CTNNA3: variants seen among roughly 807,000 people sequenced by gnomAD.
CTNNA3 encodes catenin alpha 3, also known as catenin alpha-3.
CTNNA3 carries 76 observed loss-of-function variants against 95.7 expected under a neutral mutation model. That is an observed-to-expected ratio of 0.79 (90% confidence interval 0.66 to 0.96). The LOEUF is 0.96. Among genes scored for constraint, CTNNA3 ranks in the 40% least tolerant of loss-of-function variants. CTNNA3 has a pLI of 0.00. For synonymous variants in CTNNA3, 431 were observed against 374.4 expected (o/e 1.15, Z -1.74); for missense variants, 1,191 against 1,089.8 (o/e 1.09, Z -1.31).
chr10:67,680,165 C>G (rs73271922), intron 1 of CTNNA3, among the ~76,000 whole-genome samples: 9,134 of 152,148 alleles, frequency 0.06, 290 homozygotes, highest in Admixed American at 0.1. Flanking sequence ...TAGGCTGGAG[C>G]TGTCTTGGAA....
intron 10 of CTNNA3, among the ~76,000 whole-genome samples, chr10:66,562,633 G>A (rs1300218862): frequency 6.6e-6 from 1 of 151,994 alleles, no homozygotes; most frequent in Non-Finnish European, 1.5e-5. Context: ...CTTGCCCAGT[G>A]GTCTGAGCAT....
intron 11 of CTNNA3, among the ~76,000 whole-genome samples, chr10:66,450,672 T>C (rs2093457688): frequency 6.6e-6 from 1 of 152,066 alleles, no homozygotes; most frequent in Non-Finnish European, 1.5e-5. Flanking sequence ...AAGGAAGAAC[T>C]AGCAATAGAA....
intron 16 of CTNNA3, among the ~76,000 whole-genome samples, chr10:65,967,597 A>C (rs1670138): frequency 0.33 from 50,302 of 152,026 alleles, 8,510 homozygotes; most frequent in Admixed American, 0.42. Context: ...AGCTGTGAAT[A>C]CAACTGAAGC....
At chr10:66,623,286 T>C (rs1240605829) in intron 9 of CTNNA3, among the ~76,000 whole-genome samples, 2 of 152,126 alleles carry the variant, frequency 1.3e-5, no homozygotes, top group African/African-American at 4.8e-5. Flanking sequence ...ATAAAAATCA[T>C]TGGCTCAATG....
At chr10:66,502,395 G>A (rs1488677381) in intron 11 of CTNNA3, among the ~76,000 whole-genome samples, 1 of 152,188 alleles carries the variant, frequency 6.6e-6, no homozygotes, top group Admixed American at 6.5e-5. Context: ...AAGAAAAGTA[G>A]AGATCATAAA....
Position 66,797,222 on chromosome 10 carries a change from T to C in CTNNA3, c.1048-21698A>G, listed in dbSNP as rs115216675. Among the ~76,000 whole-genome samples, 1,337 of 152,038 alleles carry C rather than the reference T, an allele frequency of 8.8e-3. 27 individuals are homozygous for C. The highest frequency in any genetic ancestry group is 0.031 in the African/African-American group (1,268 of 41,518). On this transcript the variant is annotated intron_variant, in intron 7 of 17. Transcript: ENST00000433211. ...CTAAAGGTCTACTACAGAGAGTACA[T>C]ATTTCTTAAATCTGGAAAATAATTT...
chr10:66,863,101 G>T (rs1326698617), intron 7 of CTNNA3, among the ~76,000 whole-genome samples: 1 of 151,536 alleles, frequency 6.6e-6, no homozygotes, highest in African/African-American at 2.4e-5. Context: ...GGACATCATT[G>T]ACTTTCTTGG....
At chr10:66,387,192 A>C (rs903952512) in intron 11 of CTNNA3, among the ~76,000 whole-genome samples, 1 of 152,078 alleles carries the variant, frequency 6.6e-6, no homozygotes, top group Non-Finnish European at 1.5e-5. Flanking sequence ...TTTGCAATCT[A>C]CCTATCTGAC....
intron 9 of CTNNA3, among the ~76,000 whole-genome samples, chr10:66,674,359 G>C (rs1175838092): frequency 6.6e-6 from 1 of 151,548 alleles, no homozygotes; most frequent in East Asian, 1.9e-4. Context: ...CTAAGTCCTT[G>C]GTATTCAGTG....
intron 13 of CTNNA3, among the ~76,000 whole-genome samples, chr10:66,236,448 T>G (rs951350825): frequency 1.3e-5 from 2 of 151,298 alleles, no homozygotes; most frequent in African/African-American, 4.8e-5. Flanking sequence ...ATATTTAATC[T>G]GTAAGATATT....
intron 15 of CTNNA3, among the ~76,000 whole-genome samples, chr10:65,989,244 T>C (rs1228692612): frequency 6.6e-6 from 1 of 152,142 alleles, no homozygotes. Context: ...CTGCCAGCTG[T>C]TGGTTTTAAT....
chr10:67,156,440 T>A (rs372490519), intron 7 of CTNNA3, among the ~76,000 whole-genome samples: 1 of 151,280 alleles, frequency 6.6e-6, no homozygotes, highest in African/African-American at 2.4e-5. Flanking sequence ...CTCTTAGTAC[T>A]GGTTTTGCTG....
At chr10:67,118,885 A>G (rs890676200) in intron 7 of CTNNA3, among the ~76,000 whole-genome samples, 1 of 151,892 alleles carries the variant, frequency 6.6e-6, no homozygotes, top group Non-Finnish European at 1.5e-5. Context: ...AGAAATATAT[A>G]ATAACATTTT....
intron 7 of CTNNA3, among the ~76,000 whole-genome samples, chr10:66,808,417 G>A (rs549169962): frequency 1.2e-4 from 19 of 152,250 alleles, no homozygotes; most frequent in African/African-American, 4.3e-4. Context: ...CTCAGTGTTG[G>A]CAAGTAGGTA....
chr10:67,040,720 G>T (rs143695752), intron 7 of CTNNA3, among the ~76,000 whole-genome samples: 103 of 152,018 alleles, frequency 6.8e-4, no homozygotes, highest in African/African-American at 2.4e-3. Context: ...GTAATAAAAA[G>T]GTTAACCAAG....
At chr10:66,693,553 G>A (rs1220425525) in intron 9 of CTNNA3, among the ~76,000 whole-genome samples, 7 of 151,522 alleles carry the variant, frequency 4.6e-5, no homozygotes, top group Admixed American at 1.3e-4. Flanking sequence ...ACAGATCAAC[G>A]AGACAGAAAG....
At chr10:67,539,797 A>C (rs1442485573) in intron 3 of CTNNA3, 128 bp from the exon 4 acceptor site, 3 of 784,874 alleles carry the variant, frequency 3.8e-6, no homozygotes, top group South Asian at 2.3e-5. Context: ...GTCAGTTGAC[A>C]ATTTTCTCTC....
intron 7 of CTNNA3, among the ~76,000 whole-genome samples, chr10:67,157,437 T>G (rs1199757419): frequency 6.6e-6 from 1 of 152,096 alleles, no homozygotes; most frequent in East Asian, 1.9e-4. Context: ...CCTGTATGAG[T>G]GGAAGCTACA....
chr10:66,613,282 G>A (rs1442569798), intron 10 of CTNNA3, among the ~76,000 whole-genome samples: 1 of 151,934 alleles, frequency 6.6e-6, no homozygotes. Flanking sequence ...CACCACCTCC[G>A]ATTTTCCTTC....
Sources: allele counts gnomAD v4.1 joint callset (sites outside exome capture counted in the v4.1 genomes callset), GRCh38; gene constraint gnomAD v4.1.1; transcripts MANE v1.5; gene names NCBI Gene and HGNC (gene_info 2026-07-23, HGNC 2026-07-21).